The following RBMS2 variants were observed in gnomAD, a reference collection of about 807,000 sequenced individuals.
RBMS2 encodes the protein RNA-binding motif, single-stranded-interacting protein 2.
Under a neutral mutation model 58.4 loss-of-function variants are expected in RBMS2, and 38 were observed. That is an observed-to-expected ratio of 0.65 (90% CI 0.50 to 0.85). RBMS2 has a LOEUF of 0.85. RBMS2 is among the 40% of genes least tolerant of loss of function. RBMS2 has a pLI of 0.00. For synonymous variants in RBMS2, 151 were observed against 180.7 expected, an observed-to-expected ratio of 0.84 and a Z score of 1.32; for missense variants, 367 against 503.7, an observed-to-expected ratio of 0.73 and a Z score of 2.60.
At chr12:56,562,893 C>T (rs1032451646) in intron 2 of RBMS2, among the ~76,000 whole-genome samples, 3 of 152,124 alleles carry the variant, frequency 2.0e-5, no homozygotes, top group Non-Finnish European at 4.4e-5. Flanking sequence ...GAGGCCTAGG[C>T]GGGCGGATCA....
At chr12:56,546,755 C>A (rs1877323863) in intron 1 of RBMS2, among the ~76,000 whole-genome samples, 1 of 152,116 alleles carries the variant, frequency 6.6e-6, no homozygotes, top group Non-Finnish European at 1.5e-5. Flanking sequence ...AGGCTTGAGC[C>A]ACCACACCTG....
At chr12:56,584,581 C>G (rs1010682370) in intron 9 of RBMS2, among the ~76,000 whole-genome samples, 2 of 151,922 alleles carry the variant, frequency 1.3e-5, no homozygotes, top group African/African-American at 4.8e-5. Flanking sequence ...GTCAGGAGAT[C>G]GAGACCATCC....
chr12:56,566,209 G>A (rs1271797267), intron 2 of RBMS2, among the ~76,000 whole-genome samples: 2 of 152,134 alleles, frequency 1.3e-5, no homozygotes, highest in East Asian at 1.9e-4. Context: ...GTGAGATGCC[G>A]CCAAGGAGTG....
intron 1 of RBMS2, among the ~76,000 whole-genome samples, chr12:56,534,887 C>T (rs1161095899): frequency 6.6e-6 from 1 of 152,110 alleles, no homozygotes; most frequent in East Asian, 1.9e-4. Context: ...GTGATCCGCC[C>T]GCCTCAGCCT....
At position 56,589,491 on chromosome 12, in the gene RBMS2, G is replaced by T; in HGVS notation, c.*358G>T. 4.3e-6 allele frequency: 1 copy of T among 234,474 alleles called. No individual in the cohort carries two copies. Among genetic ancestry groups the T allele is most frequent in the Non-Finnish European group, 8.0e-6 (1 of 124,816 alleles). The allele number at this position is 234,474 out of a possible 1,614,324, so 14.5% of individuals were successfully genotyped here. A position where few individuals can be genotyped will look rare whatever the true frequency, so the allele number is the denominator to read the frequency against. ...CGCAGCTTCTCATCTATATGAAAAA[G>T]TTTTCGATGTATTGGAATTATTTGG... On this transcript the variant is annotated 3_prime_UTR_variant, in exon 14 of 14. Transcript: ENST00000262031.
chr12:56,534,728 G>A (rs1338401707), intron 1 of RBMS2, among the ~76,000 whole-genome samples: 5 of 152,042 alleles, frequency 3.3e-5, no homozygotes, highest in Non-Finnish European at 7.4e-5. Flanking sequence ...TGCAACCTCC[G>A]CCTCCCAGCT....
At chr12:56,579,633 CAA>C (rs1166982566) in intron 5 of RBMS2, among the ~76,000 whole-genome samples, 11 of 96,422 alleles carry the variant, frequency 1.1e-4, no homozygotes, top group Admixed American at 1.1e-4. Context: ...GACTCAGTCT[CAA>C]AAAAAAAAAA....
At chr12:56,554,018 T>C (rs1220262870) in intron 1 of RBMS2, among the ~76,000 whole-genome samples, 1 of 151,952 alleles carries the variant, frequency 6.6e-6, no homozygotes, top group African/African-American at 2.4e-5. Flanking sequence ...AGAGACAGGG[T>C]TTCAGCATGT....
intron 1 of RBMS2, among the ~76,000 whole-genome samples, chr12:56,558,188 C>T (rs965518320): frequency 2.8e-5 from 4 of 142,984 alleles, no homozygotes; most frequent in East Asian, 4.1e-4. Context: ...GCTGGGACTA[C>T]AAGCACGCAC....
At chr12:56,570,063 C>T in intron 4 of RBMS2, 73 bp downstream of exon 4, 1 of 1,392,686 alleles carries the variant, frequency 7.2e-7, no homozygotes, top group South Asian at 1.2e-5. Flanking sequence ...TCTAAGGTTT[C>T]CAGAGGGCTT....
Position 56,567,133 on chromosome 12 carries a change from C to A in RBMS2, c.234-1842C>A, listed in dbSNP as rs563895987. Among the ~76,000 whole-genome samples, 169 of 151,870 alleles carry A rather than the reference C, an allele frequency of 1.1e-3. 1 individual carries two copies. Among genetic ancestry groups the A allele is most frequent in the African/African-American group, 3.9e-3 (162 of 41,454 alleles). On this transcript the variant is annotated intron_variant, in intron 2 of 13. Transcript: ENST00000262031. ...AGTGTGGTGGCTCATGCCTGTAATC[C>A]CAGCACTTTGGGAGGCTGAGGCGGG...
intron 1 of RBMS2, among the ~76,000 whole-genome samples, chr12:56,522,836 A>C (rs1476614113): frequency 6.6e-6 from 1 of 152,156 alleles, no homozygotes; most frequent in Non-Finnish European, 1.5e-5. Context: ...CATATTTGAC[A>C]AGGAATATAT....
chr12:56,555,381 G>A lies in RBMS2; in HGVS notation c.67-7036G>A, dbSNP rs983155935. Among the ~76,000 whole-genome samples the A allele has an allele frequency of 9.3e-5, 14 of 150,548 alleles. No homozygotes were observed. The South Asian group carries it at 2.7e-3, about 30-fold the overall frequency. ...CTTGAACCCAGGAGGCGGAGGTTGCGGTGATACAAGATCGCGCCATTGTAC... is the reference window on the plus strand; with the variant it reads ...CTTGAACCCAGGAGGCGGAGGTTGCAGTGATACAAGATCGCGCCATTGTAC... On this transcript the variant is annotated intron_variant, in intron 1 of 13. Transcript: ENST00000262031.
intron 1 of RBMS2, among the ~76,000 whole-genome samples, chr12:56,535,491 T>C (rs1874601272): frequency 2.2e-5 from 2 of 91,552 alleles, no homozygotes; most frequent in Admixed American, 1.5e-4. Flanking sequence ...GGAGACTCCA[T>C]CTCAAAAAAA....
At chr12:56,537,880 T>G (rs1200765283) in intron 1 of RBMS2, among the ~76,000 whole-genome samples, 5 of 151,196 alleles carry the variant, frequency 3.3e-5, no homozygotes, top group African/African-American at 1.2e-4. Flanking sequence ...GTAGCCATCC[T>G]GATGGGTGTG....
At chr12:56,575,569 A>G (rs1270985237) in intron 5 of RBMS2, among the ~76,000 whole-genome samples, 1 of 142,916 alleles carries the variant, frequency 7.0e-6, no homozygotes, top group Non-Finnish European at 1.5e-5. Flanking sequence ...ACCCCCCCTC[A>G]AAAAAAAAGG....
In RBMS2 at chr12:56,541,083, A is replaced by G. The variant is rs544601337; in HGVS notation, c.66+18994A>G. Among the ~76,000 whole-genome samples, 27 of 146,414 alleles carry G rather than the reference A, an allele frequency of 1.8e-4. No individual in the cohort carries two copies. In the South Asian group the frequency reaches 6.2e-3, roughly 34 times the overall value. ...GCCACTACACTCCAGCCTGGGCAGC[A>G]GAGTGAGACCTTGACTCAAAAAAAA... On this transcript the variant is annotated intron_variant, in intron 1 of 13. Transcript: ENST00000262031.
intron 5 of RBMS2, among the ~76,000 whole-genome samples, chr12:56,580,715 C>G (rs543295012): frequency 2.0e-5 from 3 of 152,286 alleles, no homozygotes; most frequent in Admixed American, 2.0e-4. Context: ...TTTCCTTCCA[C>G]AGATTCATGA....
rs952916627 is a variant in RBMS2, at chr12:56,591,402, G to A, written c.*2269G>A. 4.6e-5 allele frequency: 7 copies of A among 152,102 alleles called. No individual in the cohort carries two copies. The highest frequency in any genetic ancestry group is 1.7e-4 in the African/African-American group (7 of 41,384). The allele number at this position is 152,102 out of a possible 1,614,324, so 9.4% of individuals were successfully genotyped here. ...AGGGGTGAGGGAGTGCGGGGCAATG[G>A]GTAGGATATAAAGCGTAAAGGACAA... On this transcript the variant is annotated 3_prime_UTR_variant, in exon 14 of 14. Coordinates refer to ENST00000262031, the MANE Select transcript of RBMS2 (RefSeq NM_002898.4).
Sources: allele counts gnomAD v4.1 joint callset (sites outside exome capture counted in the v4.1 genomes callset), GRCh38; gene constraint gnomAD v4.1.1; transcripts MANE v1.5; gene names NCBI Gene and HGNC (gene_info 2026-07-23, HGNC 2026-07-21).